Variants in TNIK observed in about 807,000 individuals in gnomAD.
TNIK encodes TRAF2 and NCK interacting kinase, also known as TRAF2 and NCK-interacting protein kinase.
A neutral mutation model predicts 191.3 loss-of-function variants in TNIK; 49 were observed. The ratio of observed to expected loss-of-function variants is 0.26; its 90% CI spans 0.20 to 0.32. The LOEUF (loss-of-function observed/expected upper bound fraction) is 0.32, where lower values mean the gene tolerates loss of function less well. Among genes scored for constraint, TNIK ranks in the 10% least tolerant of loss-of-function variants. TNIK has a pLI of 1.00. For synonymous variants in TNIK, 594 were observed against 600.9 expected (o/e 0.99, Z 0.17); for missense variants, 1,155 against 1,702.3 (o/e 0.68, Z 5.66).
chr3:171,445,001 C>T (rs1727304811), intron 1 of TNIK, among the ~76,000 whole-genome samples: 1 of 152,062 alleles, frequency 6.6e-6, no homozygotes, highest in Admixed American at 6.6e-5. Flanking sequence ...AGGCATGAGC[C>T]ACCATGCCCA....
intron 2 of TNIK, among the ~76,000 whole-genome samples, chr3:171,338,205 C>T (rs1757154716): frequency 6.6e-6 from 1 of 152,082 alleles, no homozygotes; most frequent in African/African-American, 2.4e-5. Context: ...GTTAATCCTT[C>T]CACTCTTCAT....
chr3:171,352,811 A>C (rs372939370), intron 2 of TNIK, among the ~76,000 whole-genome samples: 9 of 152,282 alleles, frequency 5.9e-5, no homozygotes, highest in African/African-American at 2.2e-4. Flanking sequence ...CCTCCTTCTA[A>C]GGTACTTTAA....
At position 171,107,075 on chromosome 3, in the gene TNIK, C is replaced by T; in HGVS notation, c.2406+108G>A. 4 of 1,172,916 alleles carry T rather than the reference C, an allele frequency of 3.4e-6. No homozygotes were observed. In the South Asian group the frequency reaches 6.1e-5, roughly 18 times the overall value. 72.7% of individuals were successfully genotyped at this position (1,172,916 alleles called of 1,614,324 possible). A position where few individuals can be genotyped will look rare whatever the true frequency, so the allele number is the denominator to read the frequency against. ...CCTCCCAGCAGATTGCTACAAATCTCCTCCCAGCTGATTGCTCCCATTGGC... is the reference window on the plus strand; with the variant it reads ...CCTCCCAGCAGATTGCTACAAATCTTCTCCCAGCTGATTGCTCCCATTGGC... On this transcript the variant is annotated intron_variant, in intron 21 of 32. Transcript: ENST00000436636.
At chr3:171,459,558 ATCT>A (rs1468495057) in intron 1 of TNIK, among the ~76,000 whole-genome samples, 1 of 152,046 alleles carries the variant, frequency 6.6e-6, no homozygotes, top group Admixed American at 6.5e-5. Flanking sequence ...TCACAATGTC[ATCT>A]TGCAGGTAGC....
intron 24 of TNIK, among the ~76,000 whole-genome samples, chr3:171,085,472 T>C (rs1721231490): frequency 6.6e-6 from 1 of 152,178 alleles, no homozygotes; most frequent in Non-Finnish European, 1.5e-5. Flanking sequence ...AGTGAGAAAA[T>C]TACATTTTGG....
intron 2 of TNIK, among the ~76,000 whole-genome samples, chr3:171,251,214 G>A (rs1389005859): frequency 6.6e-6 from 1 of 152,146 alleles, no homozygotes; most frequent in Non-Finnish European, 1.5e-5. Context: ...GAGAACAGCA[G>A]GAACAGACAA....
chr3:171,395,912 C>T (rs1720172425), intron 1 of TNIK, among the ~76,000 whole-genome samples: 1 of 152,078 alleles, frequency 6.6e-6, no homozygotes, highest in African/African-American at 2.4e-5. Flanking sequence ...GTGTTTTTCA[C>T]TCCTTGCTTT....
intron 4 of TNIK, among the ~76,000 whole-genome samples, chr3:171,205,161 G>A (rs761436205): frequency 1.3e-5 from 2 of 152,174 alleles, no homozygotes; most frequent in Non-Finnish European, 2.9e-5. Flanking sequence ...TATATTCTAT[G>A]ACTGTGTTCC....
At chr3:171,161,569 G>C (rs1007133390) in intron 10 of TNIK, among the ~76,000 whole-genome samples, 2 of 152,148 alleles carry the variant, frequency 1.3e-5, no homozygotes, top group African/African-American at 2.4e-5. Context: ...GTGTTCACAT[G>C]AGAAGGAATT....
chr3:171,422,144 G>A (rs1198643568), intron 1 of TNIK, among the ~76,000 whole-genome samples: 1 of 152,136 alleles, frequency 6.6e-6, no homozygotes, highest in Non-Finnish European at 1.5e-5. Context: ...AACTAGCAAT[G>A]TGTCCACCAA....
At chr3:171,282,540 C>T (rs1227875929) in intron 2 of TNIK, among the ~76,000 whole-genome samples, 3 of 152,044 alleles carry the variant, frequency 2.0e-5, no homozygotes, top group South Asian at 2.1e-4. Context: ...GACGGGGTTT[C>T]GCCATGTTGG....
intron 1 of TNIK, among the ~76,000 whole-genome samples, chr3:171,417,475 T>C (rs1723237074): frequency 6.6e-6 from 1 of 152,208 alleles, no homozygotes; most frequent in Admixed American, 6.5e-5. Flanking sequence ...TTATAGTTAC[T>C]TATTTCTTTA....
chr3:171,432,821 C>T (rs923454546), intron 1 of TNIK, among the ~76,000 whole-genome samples: 1 of 152,046 alleles, frequency 6.6e-6, no homozygotes, highest in African/African-American at 2.4e-5. Flanking sequence ...AAATAAAGAA[C>T]TCAATATAAT....
chr3:171,103,001 A>G (rs1040620850), intron 21 of TNIK, among the ~76,000 whole-genome samples: 4 of 152,218 alleles, frequency 2.6e-5, no homozygotes, highest in African/African-American at 9.6e-5. Flanking sequence ...GTGGTCTAGA[A>G]ATTTAGGCAA....
intron 2 of TNIK, among the ~76,000 whole-genome samples, chr3:171,321,611 G>C (rs1755171630): frequency 6.6e-6 from 1 of 152,144 alleles, no homozygotes; most frequent in Admixed American, 6.5e-5. Flanking sequence ...ATCAACCCAA[G>C]CCATTTCTGA....
intron 1 of TNIK, among the ~76,000 whole-genome samples, chr3:171,438,513 T>C (rs893966404): frequency 6.6e-6 from 1 of 152,304 alleles, no homozygotes; most frequent in African/African-American, 2.4e-5. Context: ...CACTGCAGAA[T>C]GCAAATGTAA....
At chr3:171,385,719 T>C (rs893441694) in intron 1 of TNIK, among the ~76,000 whole-genome samples, 4 of 152,174 alleles carry the variant, frequency 2.6e-5, no homozygotes, top group Non-Finnish European at 5.9e-5. Flanking sequence ...AAAGAACACA[T>C]GTTAATTGCA....
At chr3:171,234,857 A>G (rs1744071735) in intron 2 of TNIK, among the ~76,000 whole-genome samples, 1 of 152,176 alleles carries the variant, frequency 6.6e-6, no homozygotes, top group South Asian at 2.1e-4. Flanking sequence ...GAGAACTCAA[A>G]AGCAGACGAG....
intron 10 of TNIK, among the ~76,000 whole-genome samples, chr3:171,166,614 T>C (rs192059247): frequency 1.3e-5 from 2 of 152,212 alleles, no homozygotes; most frequent in East Asian, 3.8e-4. Context: ...AATGATCTTT[T>C]CTATCACTGC....
Sources: allele counts gnomAD v4.1 joint callset (sites outside exome capture counted in the v4.1 genomes callset), GRCh38; gene constraint gnomAD v4.1.1; transcripts MANE v1.5; gene names NCBI Gene and HGNC (gene_info 2026-07-23, HGNC 2026-07-21).